Variants in ATG4C observed in about 807,000 individuals in gnomAD.
ATG4C encodes the protein cysteine protease ATG4C.
ATG4C carries 56 observed loss-of-function variants against 57.6 expected under a neutral mutation model. The ratio of observed to expected loss-of-function variants is 0.97; its 90% CI spans 0.78 to 1.21. ATG4C has a LOEUF of 1.21. ATG4C is among the 50% of genes most tolerant of loss of function. The pLI, the probability that ATG4C is intolerant of heterozygous loss-of-function variation, is 0.00. For synonymous variants in ATG4C, 157 were observed against 174.1 expected, an observed-to-expected ratio of 0.90 and a Z score of 0.78; for missense variants, 595 against 529.8, an observed-to-expected ratio of 1.12 and a Z score of -1.21.
At chr1:62,826,262 G>T (rs1354602665) in intron 6 of ATG4C, among the ~76,000 whole-genome samples, 4 of 131,480 alleles carry the variant, frequency 3.0e-5, no homozygotes, top group Non-Finnish European at 4.7e-5. Context: ...TTGAGATGGA[G>T]TCTAGCTCTG....
Position 62,821,179 on chromosome 1 carries a change from A to T in ATG4C, c.766A>T (p.Ile256Leu), listed in dbSNP as rs1461292912. The change falls in exon 6 of 11, where the codon ATA (isoleucine) becomes TTA (leucine). Residue 256 changes from isoleucine (I) to leucine (L), a missense_variant. Transcript: ENST00000317868. The stretch of plus-strand genomic sequence containing the variant: ...AGCAAGGCATCCTGATTTACAAGGA[A>T]TAACTATTTATGTTGCACAAGATTG... Reference protein sequence around the residue: ...EEARHPDLQGITIYVAQDCTV... With the variant: ...EEARHPDLQGLTIYVAQDCTV... 7 of 1,601,638 alleles carry T rather than the reference A, an allele frequency of 4.4e-6. No homozygotes were observed. In the East Asian group the frequency reaches 1.6e-4, roughly 36 times the overall value.
At chr1:62,850,051 T>A (rs1210518094) in intron 10 of ATG4C, among the ~76,000 whole-genome samples, 1 of 152,172 alleles carries the variant, frequency 6.6e-6, no homozygotes, top group Non-Finnish European at 1.5e-5. Context: ...TAAAGTTTTA[T>A]CTTCTGTTCA....
intron 1 of ATG4C, among the ~76,000 whole-genome samples, chr1:62,796,207 GTTTTT>G (rs60552573): frequency 0.025 from 2,282 of 91,192 alleles, 68 homozygotes; most frequent in African/African-American, 0.094. Flanking sequence ...ATTTGTGTGG[GTTTTT>G]TTTTTTTTTT....
chr1:62,821,988 T>G (rs1665497831), intron 6 of ATG4C, among the ~76,000 whole-genome samples: 1 of 152,104 alleles, frequency 6.6e-6, no homozygotes. Context: ...TCAAAAAGTT[T>G]TAGATTTTGG....
rs115707896 is a variant in ATG4C, at chr1:62,826,596, T to G, written c.797-2444T>G. Among the ~76,000 whole-genome samples the G allele has an allele frequency of 8.5e-3, 1,193 of 139,782 alleles. 33 individuals are homozygous for G. The highest frequency in any genetic ancestry group is 0.033 in the African/African-American group (1,109 of 33,210). 91.7% of individuals were successfully genotyped at this position (139,782 alleles called of 152,430 possible). A position where few individuals can be genotyped will look rare whatever the true frequency, so the allele number is the denominator to read the frequency against. ...CAAACCACCATCATCTCTTTTTTTC[T>G]TTCTTTTTTTTTTTAATTTAAGTTC... On this transcript the variant is annotated intron_variant, in intron 6 of 10. Coordinates refer to ENST00000317868, the MANE Select transcript of ATG4C (RefSeq NM_032852.4).
At chr1:62,850,156 C>T (rs562078394) in intron 10 of ATG4C, among the ~76,000 whole-genome samples, 2 of 152,248 alleles carry the variant, frequency 1.3e-5, no homozygotes, top group Non-Finnish European at 1.5e-5. Flanking sequence ...ACTCCATTTT[C>T]CTGGGTGCTC....
At chr1:62,834,158 TAA>T in intron 8 of ATG4C, 42 bp downstream of exon 8, 1 of 1,573,138 alleles carries the variant, frequency 6.4e-7, no homozygotes, top group South Asian at 1.1e-5. Flanking sequence ...TGTTTTCTTT[TAA>T]AAGTCAGAAA....
chr1:62,863,618 T>G (rs1018958530), intron 10 of ATG4C, among the ~76,000 whole-genome samples: 4 of 152,062 alleles, frequency 2.6e-5, no homozygotes, highest in Non-Finnish European at 5.9e-5. Context: ...CTACAATATT[T>G]TATCATAGTC....
intron 5 of ATG4C, 59 bp from the exon 6 acceptor site, chr1:62,821,080 A>G (rs1002455504): frequency 3.7e-6 from 5 of 1,351,814 alleles, no homozygotes; most frequent in African/African-American, 2.9e-5. Context: ...TAAATTAAAT[A>G]TTTAGTTGCC....
intron 7 of ATG4C, among the ~76,000 whole-genome samples, chr1:62,831,976 T>A (rs1247094808): frequency 6.6e-6 from 1 of 152,206 alleles, no homozygotes; most frequent in African/African-American, 2.4e-5. Context: ...GAACTTTCAC[T>A]GCCTCACAGG....
intron 1 of ATG4C, among the ~76,000 whole-genome samples, chr1:62,794,621 A>G (rs1361221637): frequency 6.6e-6 from 1 of 152,042 alleles, no homozygotes; most frequent in African/African-American, 2.4e-5. Context: ...ACTGCCATCT[A>G]CCTTGCCTAC....
chr1:62,847,977 C>T (rs894646480), intron 10 of ATG4C, among the ~76,000 whole-genome samples: 31 of 152,280 alleles, frequency 2.0e-4, no homozygotes, highest in Non-Finnish European at 4.1e-4. Context: ...TGTGTCTAAT[C>T]TTCTATTAAT....
At chr1:62,801,957 C>CAA (rs1228581647) in intron 1 of ATG4C, among the ~76,000 whole-genome samples, 3 of 25,308 alleles carry the variant, frequency 1.2e-4, no homozygotes, top group African/African-American at 6.7e-4. Flanking sequence ...GACTCTGTCT[C>CAA]CAAAAAAAAA....
intron 9 of ATG4C, among the ~76,000 whole-genome samples, chr1:62,837,781 T>C (rs1467074958): frequency 6.6e-6 from 1 of 151,982 alleles, no homozygotes; most frequent in Non-Finnish European, 1.5e-5. Flanking sequence ...TAGTAGTAGG[T>C]TTTTTTTATG....
chr1:62,799,833 C>T (rs1315442811), intron 1 of ATG4C, among the ~76,000 whole-genome samples: 13 of 151,620 alleles, frequency 8.6e-5, no homozygotes, highest in East Asian at 1.9e-4. Context: ...TATAATCCCC[C>T]GTTGTGCTAT....
intron 2 of ATG4C, among the ~76,000 whole-genome samples, chr1:62,804,593 G>A (rs575129507): frequency 4.8e-4 from 73 of 152,038 alleles, no homozygotes; most frequent in Non-Finnish European, 7.6e-4. Context: ...AGACTGTAAA[G>A]TTCGTGCACT....
In ATG4C at chr1:62,864,308, A is replaced by G; in HGVS notation, c.*149A>G. On this transcript the variant is annotated 3_prime_UTR_variant, in exon 11 of 11. Transcript: ENST00000317868. ...ACATTTGAAAATATAACAGTTAAAG[A>G]TATTTTTCTAAAAGAGAAATGATTT... 1.6e-6 allele frequency: 1 copy of G among 620,524 alleles called. No homozygotes were observed. The highest frequency in any genetic ancestry group is 2.6e-6 in the Non-Finnish European group (1 of 387,334). The allele number at this position is 620,524 out of a possible 1,614,324, so 38.4% of individuals were successfully genotyped here.
intron 3 of ATG4C, among the ~76,000 whole-genome samples, chr1:62,812,502 C>T (rs953425617): frequency 1.3e-5 from 2 of 152,032 alleles, no homozygotes; most frequent in Non-Finnish European, 2.9e-5. Flanking sequence ...ATGACAAACC[C>T]ATATTTTGCC....
At chr1:62,835,396 G>T (rs1404687354) in intron 9 of ATG4C, 1 of 356,858 alleles carries the variant, frequency 2.8e-6, no homozygotes, top group Non-Finnish European at 5.7e-6. Context: ...GTCATTTTGT[G>T]ATCCAGTATT....
Sources: gnomAD v4.1 joint callset for allele counts (sites outside exome capture counted in the v4.1 genomes callset) on GRCh38, gnomAD v4.1.1 for gene constraint, MANE v1.5 for transcripts, NCBI Gene and HGNC (gene_info 2026-07-23, HGNC 2026-07-21) for gene names.